The following MYOM2 variants were observed in gnomAD, a reference collection of about 807,000 sequenced individuals.
The protein encoded by MYOM2 is myomesin-2.
MYOM2 carries 254 observed loss-of-function variants against 187.6 expected under a neutral mutation model. The ratio of observed to expected loss-of-function variants is 1.35; its 90% confidence interval spans 1.22 to 1.50. MYOM2 has a LOEUF of 1.50. Ranked by LOEUF, MYOM2 falls within the 40% of genes most tolerant of loss-of-function variation. MYOM2 has a pLI of 0.00. For synonymous variants in MYOM2, 981 were observed against 753.8 expected (o/e 1.30, Z -4.94); for missense variants, 2,796 against 1,924.0 (o/e 1.45, Z -8.48).
chr8:2,086,633 C>T (rs1796091710), intron 14 of MYOM2, among the ~76,000 whole-genome samples: 1 of 152,268 alleles, frequency 6.6e-6, no homozygotes, highest in African/African-American at 2.4e-5. Flanking sequence ...CACACGGCAG[C>T]AGGGGCGGAA....
chr8:2,133,238 C>T (rs890437810), intron 32 of MYOM2, among the ~76,000 whole-genome samples: 1 of 152,220 alleles, frequency 6.6e-6, no homozygotes, highest in Non-Finnish European at 1.5e-5. Flanking sequence ...GTCTGCATTC[C>T]TCAACACTGT....
chr8:2,083,357 C>G (rs1455113941), intron 13 of MYOM2, among the ~76,000 whole-genome samples: 1 of 152,136 alleles, frequency 6.6e-6, no homozygotes, highest in African/African-American at 2.4e-5. Flanking sequence ...CTTATGTGTG[C>G]TTAGTGGCAT....
chr8:2,120,978 AAAG>A (rs1797434208), intron 28 of MYOM2, among the ~76,000 whole-genome samples: 1 of 151,828 alleles, frequency 6.6e-6, no homozygotes, highest in Non-Finnish European at 1.5e-5. Flanking sequence ...AACATTTATA[AAAG>A]AAGAGAAGGT....
intron 14 of MYOM2, among the ~76,000 whole-genome samples, chr8:2,087,366 T>G (rs1035779596): frequency 6.6e-6 from 1 of 152,198 alleles, no homozygotes. Context: ...GACTCCAGCA[T>G]GGAGGAGGAC....
chr8:2,125,072 C>A (rs1797589976), intron 31 of MYOM2, among the ~76,000 whole-genome samples: 1 of 152,102 alleles, frequency 6.6e-6, no homozygotes, highest in Non-Finnish European at 1.5e-5. Context: ...CTTTACTGTG[C>A]AGAAGCTTTT....
intron 16 of MYOM2, 107 bp downstream of exon 16, chr8:2,092,627 G>C (rs2235124): frequency 5.8e-6 from 7 of 1,208,184 alleles, no homozygotes; most frequent in Non-Finnish European, 8.0e-6. Context: ...AGGCTTCTGC[G>C]TAAATGAGTC....
intron 3 of MYOM2, among the ~76,000 whole-genome samples, chr8:2,056,278 G>A (rs890882603): frequency 1.3e-5 from 2 of 152,182 alleles, no homozygotes; most frequent in South Asian, 4.1e-4. Flanking sequence ...TTGATTGAAA[G>A]GGATGGCAGT....
intron 19 of MYOM2, among the ~76,000 whole-genome samples, chr8:2,099,668 C>T (rs1383175724): frequency 6.6e-6 from 1 of 152,202 alleles, no homozygotes; most frequent in Non-Finnish European, 1.5e-5. Flanking sequence ...CATCTTCCTG[C>T]CTCAGCCTTA....
At chr8:2,144,451 C>T (rs1384601338) in intron 36 of MYOM2, among the ~76,000 whole-genome samples, 1 of 152,152 alleles carries the variant, frequency 6.6e-6, no homozygotes, top group East Asian at 1.9e-4. Context: ...GATTTTTTTA[C>T]GAGCTCGCCT....
intron 3 of MYOM2, among the ~76,000 whole-genome samples, chr8:2,053,710 G>C (rs1036620711): frequency 6.6e-6 from 1 of 152,170 alleles, no homozygotes; most frequent in Non-Finnish European, 1.5e-5. Context: ...ATGTTCTCAC[G>C]GCACCTCTGA....
intron 14 of MYOM2, among the ~76,000 whole-genome samples, chr8:2,086,488 T>TCCACTGTCATGATCTCCGC (rs1796073356): frequency 3.3e-5 from 2 of 61,056 alleles, no homozygotes; most frequent in South Asian, 5.0e-4. Flanking sequence ...ATGATCTCTG[T>TCCACTGTCATGATCTCCGC]GTGGCCCCCC....
chr8:2,092,203 C>T lies in MYOM2; in HGVS notation c.1829-143C>T, dbSNP rs1016452659. On this transcript the variant is annotated intron_variant, in intron 15 of 36. Transcript: ENST00000262113. ...GGGTGGTCGGCCCGGGGCTCCTCTC[C>T]TACTCCTGGACCCCTTGTCTGAATT... 10 of 984,574 alleles carry T rather than the reference C, an allele frequency of 1.0e-5. No individual in the cohort carries two copies. In the Admixed American group the frequency reaches 1.1e-4, roughly 11 times the overall value. 61.0% of individuals were successfully genotyped at this position (984,574 alleles called of 1,614,324 possible).
chr8:2,137,275 G>C (rs1563082697), intron 32 of MYOM2, among the ~76,000 whole-genome samples: 1 of 151,926 alleles, frequency 6.6e-6, no homozygotes, highest in South Asian at 2.1e-4. Flanking sequence ...CTCACACAGG[G>C]TGGCAGCGAT....
intron 11 of MYOM2, among the ~76,000 whole-genome samples, chr8:2,077,121 C>T (rs1164945703): frequency 1.3e-5 from 2 of 152,056 alleles, no homozygotes; most frequent in Admixed American, 1.3e-4. Flanking sequence ...AGCATGCTGG[C>T]CAGCATGGTG....
chr8:2,046,241 T>C (rs999465089), intron 1 of MYOM2, among the ~76,000 whole-genome samples: 3 of 152,202 alleles, frequency 2.0e-5, no homozygotes, highest in African/African-American at 7.2e-5. Flanking sequence ...CCCATCCTGG[T>C]GACATGAGGA....
At chr8:2,127,205 C>T (rs1009742157) in intron 31 of MYOM2, among the ~76,000 whole-genome samples, 4 of 152,028 alleles carry the variant, frequency 2.6e-5, no homozygotes, top group Non-Finnish European at 4.4e-5. Context: ...AGCTCTTTTT[C>T]AAGTTGTGAT....
chr8:2,088,576 C>G (rs1265973912), intron 14 of MYOM2, among the ~76,000 whole-genome samples: 1 of 152,248 alleles, frequency 6.6e-6, no homozygotes, highest in Non-Finnish European at 1.5e-5. Context: ...TCCAGCTGCA[C>G]CCATGTGGCT....
At position 2,085,083 on chromosome 8, in the gene MYOM2, T is replaced by C. The variant is rs1819762935; in HGVS notation, c.1517-180T>C. 1.4e-5 allele frequency: 9 copies of C among 655,944 alleles called. No homozygotes were observed. The South Asian group carries it at 1.8e-4, about 13-fold the overall frequency. The allele number at this position is 655,944 out of a possible 1,614,324, so 40.6% of individuals were successfully genotyped here. On this transcript the variant is annotated intron_variant, in intron 13 of 36. Coordinates refer to ENST00000262113, the MANE Select transcript of MYOM2 (RefSeq NM_003970.4). ...ATTGGAAGCAAAACTAACTGGCTGA[T>C]CTTTATTGGTGCCTTATCCTCTGGT...
intron 23 of MYOM2, 99 bp downstream of exon 23, chr8:2,106,696 G>T: frequency 1.1e-6 from 1 of 888,330 alleles, no homozygotes; most frequent in East Asian, 2.7e-5. Context: ...GAAAAAAGAC[G>T]TATGTTTGCA....
Sources: gnomAD v4.1 joint callset for allele counts (sites outside exome capture counted in the v4.1 genomes callset) on GRCh38, gnomAD v4.1.1 for gene constraint, MANE v1.5 for transcripts, NCBI Gene and HGNC (gene_info 2026-07-23, HGNC 2026-07-21) for gene names.